CCDC112: variants seen among roughly 807,000 people sequenced by gnomAD.
The protein encoded by CCDC112 is coiled-coil domain containing 112, also known as coiled-coil domain-containing protein 112.
A neutral mutation model predicts 66.3 loss-of-function variants in CCDC112; 40 were observed. The observed-to-expected ratio is 0.60, with a 90% confidence interval of 0.47 to 0.79. The LOEUF (loss-of-function observed/expected upper bound fraction) is 0.79. Ranked by LOEUF, CCDC112 falls within the 30% of genes least tolerant of loss-of-function variation. The pLI is 0.00. For missense variants in CCDC112, 659 were observed against 603.8 expected, an observed-to-expected ratio of 1.09 and a Z score of -0.96; for synonymous variants, 214 against 197.2, an observed-to-expected ratio of 1.09 and a Z score of -0.71.
At chr5:115,288,895 A>T (rs796511453) in intron 1 of CCDC112, 83 of 448,772 alleles carry the variant, frequency 1.8e-4, no homozygotes, top group African/African-American at 1.5e-3. Flanking sequence ...AAAAACTTGC[A>T]TTTACAAGAT....
intron 1 of CCDC112, among the ~76,000 whole-genome samples, chr5:115,285,340 C>T (rs1749631510): frequency 6.6e-6 from 1 of 151,998 alleles, no homozygotes; most frequent in South Asian, 2.1e-4. Context: ...CCACCAGCTG[C>T]AATAAATGCT....
intron 1 of CCDC112, among the ~76,000 whole-genome samples, chr5:115,290,823 T>C (rs886897261): frequency 6.6e-6 from 1 of 152,214 alleles, no homozygotes; most frequent in Admixed American, 6.5e-5. Context: ...TTTTGTATAT[T>C]GATCTTGTAT....
chr5:115,273,221 A>T (rs1052021614), intron 6 of CCDC112, among the ~76,000 whole-genome samples: 14 of 152,214 alleles, frequency 9.2e-5, no homozygotes. Flanking sequence ...ATAAGCTGGG[A>T]TTGGAGGGGG....
intron 5 of CCDC112, among the ~76,000 whole-genome samples, 192 bp from the exon 6 acceptor site, chr5:115,275,798 A>G (rs1036905479): frequency 1.2e-4 from 18 of 152,200 alleles, no homozygotes; most frequent in Non-Finnish European, 2.2e-4. Flanking sequence ...GGGATTTTAT[A>G]GTAACTAAAT....
chr5:115,269,279 G>A (rs1748901895), intron 8 of CCDC112, among the ~76,000 whole-genome samples: 1 of 151,964 alleles, frequency 6.6e-6, no homozygotes, highest in Non-Finnish European at 1.5e-5. Flanking sequence ...ATGCAGCTAA[G>A]TATGCTAGTG....
Position 115,277,358 on chromosome 5 carries a change from T to C in CCDC112, c.362-304A>G, listed in dbSNP as rs535504319. Among the ~76,000 whole-genome samples the C allele has an allele frequency of 2.6e-3, 402 of 152,316 alleles. 1 individual carries two copies. Among genetic ancestry groups the C allele is most frequent in the Non-Finnish European group, 4.5e-3 (308 of 68,020 alleles). ...TGGACATTGTTTTACATGTAAATAT[T>C]AGCAGTTTCAGCATAGTTTTTGTTC... On this transcript the variant is annotated intron_variant, in intron 3 of 9. Transcript: ENST00000379611.
intron 1 of CCDC112, among the ~76,000 whole-genome samples, chr5:115,293,078 T>C (rs181849117): frequency 7.9e-5 from 12 of 152,332 alleles, no homozygotes; most frequent in Admixed American, 6.5e-4. Context: ...TGGAGGACAT[T>C]ACGCTAAGTG....
rs1157280407 is a variant in CCDC112, at chr5:115,296,492, C to G, written c.52G>C (p.Gly18Arg). Residue 18 changes from glycine (G) to arginine (R), a missense_variant, in exon 1 of 10, where the codon GGG (glycine) becomes CGG (arginine). Physicochemically the swap from Gly to Arg is moderately radical, Grantham distance 125. Coordinates refer to ENST00000379611, the MANE Select transcript of CCDC112 (RefSeq NM_001040440.3). ...GCCGCGCCCGCCCCTGCCACAGCCC[C>G]GGCTACCGCGGTGGCCGCAGCCGCT... ...VVAAAATAVAGAVAGAGAATG... is the reference protein window; with the variant it reads ...VVAAAATAVARAVAGAGAATG... 6.4e-7 allele frequency: 1 copy of G among 1,558,512 alleles called. No individual in the cohort carries two copies. Among genetic ancestry groups the G allele is most frequent in the Admixed American group, 1.8e-5 (1 of 55,232 alleles).
chr5:115,288,828 T>TA (rs1030252955), intron 1 of CCDC112, among the ~76,000 whole-genome samples: 4 of 152,134 alleles, frequency 2.6e-5, no homozygotes, highest in Admixed American at 2.0e-4. Context: ...CATTTACACT[T>TA]AAAAAATAGG....
At chr5:115,268,089 G>T (rs1263350396) in intron 9 of CCDC112, among the ~76,000 whole-genome samples, 171 bp from the exon 10 acceptor site, 1 of 152,074 alleles carries the variant, frequency 6.6e-6, no homozygotes, top group East Asian at 1.9e-4. Flanking sequence ...TTTATTTCTA[G>T]CTCTAGCTCT....
At chr5:115,283,541 T>C (rs1435931902) in intron 2 of CCDC112, among the ~76,000 whole-genome samples, 3 of 152,166 alleles carry the variant, frequency 2.0e-5, no homozygotes, top group Non-Finnish European at 4.4e-5. Flanking sequence ...TGGTAATCAT[T>C]CTGCAATGTT....
chr5:115,296,021 G>A, intron 1 of CCDC112: 1 of 993,390 alleles, frequency 1.0e-6, no homozygotes, highest in African/African-American at 1.7e-5. Context: ...TACAGTAACA[G>A]AGCTGCCACC....
At chr5:115,275,937 C>A in intron 5 of CCDC112, 57 bp downstream of exon 5, 1 of 1,120,278 alleles carries the variant, frequency 8.9e-7, no homozygotes, top group Admixed American at 1.9e-5. Context: ...TGTACTGGGG[C>A]CAGTTATTAA....
chr5:115,275,065 C>G (rs1390041318), intron 6 of CCDC112, 151 bp downstream of exon 6: 5 of 645,606 alleles, frequency 7.7e-6, no homozygotes, highest in Non-Finnish European at 1.0e-5. Context: ...CTTTCAATGC[C>G]TCAGTTTCAT....
Position 115,267,837 on chromosome 5 carries a change from T to A in CCDC112, c.*39A>T, listed in dbSNP as rs1748799717. Reference sequence around the variant, plus strand: ...ACTCTCTCCCTGGTATAACTTAGTATGTTAACATTCTTATCAACTGAGTAG... The same window carrying A: ...ACTCTCTCCCTGGTATAACTTAGTAAGTTAACATTCTTATCAACTGAGTAG... On this transcript the variant is annotated 3_prime_UTR_variant, in exon 10 of 10. Transcript: ENST00000379611. 1 of 1,501,306 alleles carries A rather than the reference T, an allele frequency of 6.7e-7. No individual in the cohort carries two copies. The highest frequency in any genetic ancestry group is 1.4e-5 in the African/African-American group (1 of 72,500). 93.0% of individuals were successfully genotyped at this position (1,501,306 alleles called of 1,614,324 possible).
intron 1 of CCDC112, among the ~76,000 whole-genome samples, chr5:115,287,927 C>T (rs1009479185): frequency 2.6e-5 from 4 of 152,022 alleles, no homozygotes; most frequent in Middle Eastern, 6.8e-3. Flanking sequence ...AATCAGTACA[C>T]ACACATTTCA....
At position 115,275,270 on chromosome 5, in the gene CCDC112, T is replaced by C; in HGVS notation, c.864A>G (p.Gln288=). Residue 288 remains glutamine (Q), a synonymous_variant, in exon 6 of 10, where the codon CAA becomes CAG. Coordinates refer to ENST00000379611, the MANE Select transcript of CCDC112 (RefSeq NM_001040440.3). ...ACTTTTGATACCATTTTTCATGCTG[T>C]TGAACTTCATCTTGTGTTTTTCCAG... ...HLPGKTQDEV[Q]QHEKWYQKFL... 1 of 1,613,820 alleles carries C rather than the reference T, an allele frequency of 6.2e-7. No homozygotes were observed. Among genetic ancestry groups the C allele is most frequent in the Non-Finnish European group, 8.5e-7 (1 of 1,179,886 alleles).
At chr5:115,270,582 A>G (rs1748954593) in intron 7 of CCDC112, among the ~76,000 whole-genome samples, 1 of 152,196 alleles carries the variant, frequency 6.6e-6, no homozygotes, top group South Asian at 2.1e-4. Flanking sequence ...GGATGTTCAA[A>G]AAAACACACC....
intron 1 of CCDC112, chr5:115,296,148 A>C: frequency 1.7e-6 from 2 of 1,174,714 alleles, no homozygotes; most frequent in Non-Finnish European, 2.1e-6. Flanking sequence ...TAGAGAAGAA[A>C]GTGAGTCGCC....
Sources: gnomAD v4.1 joint callset for allele counts (sites outside exome capture counted in the v4.1 genomes callset) on GRCh38, gnomAD v4.1.1 for gene constraint, MANE v1.5 for transcripts, NCBI Gene and HGNC (gene_info 2026-07-23, HGNC 2026-07-21) for gene names.